The following SLC35D4 variants were observed in gnomAD, a reference collection of about 807,000 sequenced individuals.
The protein encoded by SLC35D4 is UDP-N-acetylglucosamine transporter SLC35D4.
At chr18:23,373,628 G>C in the SLC35D4 span, 2 of 1,485,282 alleles carry the variant, frequency 1.3e-6, no homozygotes, top group Non-Finnish European at 1.9e-6. Flanking sequence ...CTTCTAAAAG[G>C]AAGGACTAGG....
At chr18:23,324,853 A>G in the SLC35D4 span, among the ~76,000 whole-genome samples, 2 of 152,220 alleles carry the variant, frequency 1.3e-5, no homozygotes, top group Non-Finnish European at 2.9e-5. Flanking sequence ...GGCCACTGCT[A>G]AAGCCAAAGG....
the SLC35D4 span, among the ~76,000 whole-genome samples, chr18:23,382,155 G>A: frequency 6.8e-6 from 1 of 148,066 alleles, no homozygotes; most frequent in Non-Finnish European, 1.5e-5. Context: ...CAGGAGAATC[G>A]CTTGAACCCG....
chr18:23,428,401 T>C, the SLC35D4 span, among the ~76,000 whole-genome samples: 6 of 152,344 alleles, frequency 3.9e-5, no homozygotes, highest in Non-Finnish European at 8.8e-5. Flanking sequence ...TACAATATTA[T>C]AGAAACATTC....
At chr18:23,253,054 G>A in the SLC35D4 span, 1 of 1,607,990 alleles carries the variant, frequency 6.2e-7, no homozygotes, top group Non-Finnish European at 8.5e-7. Context: ...CTGACACTCA[G>A]CAAAATTAGG....
the SLC35D4 span, among the ~76,000 whole-genome samples, chr18:23,337,593 G>A: frequency 6.6e-6 from 1 of 152,038 alleles, no homozygotes; most frequent in East Asian, 1.9e-4. Context: ...TTTTACCAAT[G>A]GTCTTGGAGA....
At chr18:23,330,138 T>C in the SLC35D4 span, among the ~76,000 whole-genome samples, 7 of 152,062 alleles carry the variant, frequency 4.6e-5, no homozygotes, top group Admixed American at 4.6e-4. Context: ...ATGGCAGGTG[T>C]ATACCTATGC....
the SLC35D4 span, among the ~76,000 whole-genome samples, chr18:23,327,757 A>G: frequency 2.6e-5 from 4 of 152,244 alleles, no homozygotes; most frequent in Non-Finnish European, 1.5e-5. Flanking sequence ...ACAAAAAAAG[A>G]GAATTTTAGA....
the SLC35D4 span, among the ~76,000 whole-genome samples, chr18:23,243,058 CAT>C: frequency 9.0e-4 from 135 of 150,092 alleles, 1 homozygote; most frequent in Middle Eastern, 7.1e-3. Context: ...ATAACATACT[CAT>C]ATATTTATTA....
chr18:23,345,338 C>T, the SLC35D4 span, among the ~76,000 whole-genome samples: 4 of 151,790 alleles, frequency 2.6e-5, 1 homozygote, highest in South Asian at 6.3e-4. Context: ...AAAAATTAGC[C>T]GGGCATGGTG....
chr18:23,317,888 C>T, the SLC35D4 span, among the ~76,000 whole-genome samples: 2,128 of 152,100 alleles, frequency 0.014, 47 homozygotes, highest in African/African-American at 0.049. Context: ...TACCAGCATG[C>T]ACCACCACAC....
chr18:23,408,824 T>A, the SLC35D4 span, among the ~76,000 whole-genome samples: 2 of 151,506 alleles, frequency 1.3e-5, no homozygotes, highest in African/African-American at 4.8e-5. Flanking sequence ...CTCTTTTTTT[T>A]TTTTTTTTTT....
At chr18:23,238,661 G>C in the SLC35D4 span, among the ~76,000 whole-genome samples, 1 of 152,226 alleles carries the variant, frequency 6.6e-6, no homozygotes, top group South Asian at 2.1e-4. Flanking sequence ...ACTGGTGTAA[G>C]AATAAGGATG....
the SLC35D4 span, among the ~76,000 whole-genome samples, chr18:23,347,419 T>C: frequency 7.6e-6 from 1 of 131,796 alleles, no homozygotes; most frequent in African/African-American, 2.9e-5. Flanking sequence ...CTCTCTCTCT[T>C]CTCTCCTATC....
the SLC35D4 span, among the ~76,000 whole-genome samples, chr18:23,375,753 A>G: frequency 6.6e-6 from 1 of 152,224 alleles, no homozygotes; most frequent in Non-Finnish European, 1.5e-5. Flanking sequence ...TGTCTTTAGA[A>G]ATTTTCACCG....
At chr18:23,422,777 T>G in the SLC35D4 span, among the ~76,000 whole-genome samples, 2 of 150,734 alleles carry the variant, frequency 1.3e-5, no homozygotes, top group Non-Finnish European at 2.9e-5. Context: ...GCCCCCAGCA[T>G]GCACAGTGCA....
chr18:23,364,272 G>A, the SLC35D4 span, among the ~76,000 whole-genome samples: 4 of 152,112 alleles, frequency 2.6e-5, no homozygotes, highest in Non-Finnish European at 1.5e-5. Flanking sequence ...AATGCTTTAT[G>A]CATAGCAAGT....
At chr18:23,338,660 TA>T in the SLC35D4 span, among the ~76,000 whole-genome samples, 1 of 152,130 alleles carries the variant, frequency 6.6e-6, no homozygotes, top group African/African-American at 2.4e-5. Context: ...TTTTCACATA[TA>T]TTATCTCATA....
At chr18:23,419,680 A>C in the SLC35D4 span, among the ~76,000 whole-genome samples, 1 of 152,138 alleles carries the variant, frequency 6.6e-6, no homozygotes, top group Non-Finnish European at 1.5e-5. Flanking sequence ...CTCGTACTAG[A>C]ATTTTGGAGT....
chr18:23,417,833 C>G, the SLC35D4 span, among the ~76,000 whole-genome samples: 1 of 152,140 alleles, frequency 6.6e-6, no homozygotes, highest in Non-Finnish European at 1.5e-5. Flanking sequence ...TAATTAGAAT[C>G]AGCAAGGAAG....
Sources: allele counts gnomAD v4.1 joint callset (sites outside exome capture counted in the v4.1 genomes callset), GRCh38; gene constraint gnomAD v4.1.1; transcripts MANE v1.5; gene names NCBI Gene and HGNC (gene_info 2026-07-23, HGNC 2026-07-21).